PARP16: variants seen among roughly 807,000 people sequenced by gnomAD.
PARP16 encodes protein mono-ADP-ribosyltransferase PARP16.
In PARP16, 31 loss-of-function variants were observed where a neutral mutation model predicts 35.0. That is an observed-to-expected ratio of 0.88 (90% CI 0.66 to 1.19). PARP16 has a LOEUF of 1.19. Ranked by LOEUF, PARP16 falls within the 50% of genes most tolerant of loss-of-function variation. PARP16 has a pLI of 0.00. For synonymous variants in PARP16, 162 were observed against 169.5 expected (o/e 0.96, Z 0.34); for missense variants, 424 against 411.2 (o/e 1.03, Z -0.27).
chr15:65,267,253 A>C (rs779047053), intron 2 of PARP16, among the ~76,000 whole-genome samples: 1 of 151,630 alleles, frequency 6.6e-6, no homozygotes, highest in Non-Finnish European at 1.5e-5. Context: ...AAAAATAATA[A>C]TAATAAATAA....
chr15:65,270,911 T>C, intron 2 of PARP16, 24 bp downstream of exon 2: 1 of 1,612,932 alleles, frequency 6.2e-7, no homozygotes, highest in Non-Finnish European at 8.5e-7. Context: ...CTAAAATCTG[T>C]GATGCTACGG....
intron 3 of PARP16, 145 bp downstream of exon 3, chr15:65,266,417 G>A (rs1441806307): frequency 1.1e-5 from 7 of 665,458 alleles, no homozygotes; most frequent in Non-Finnish European, 1.6e-5. Flanking sequence ...CACTGCTGGT[G>A]TGCAGACCAC....
intron 2 of PARP16, among the ~76,000 whole-genome samples, chr15:65,252,197 A>G (rs1036082177): frequency 7.9e-5 from 12 of 152,162 alleles, no homozygotes; most frequent in Admixed American, 7.9e-4. Context: ...AAGACCAATG[A>G]GAGTGGGAAA....
chr15:65,239,299 C>T (rs1180190133), intron 3 of PARP16, among the ~76,000 whole-genome samples: 8 of 146,712 alleles, frequency 5.5e-5, no homozygotes, highest in East Asian at 2.0e-4. Flanking sequence ...TGGTGGTGTG[C>T]GCCTGTAGTC....
chr15:65,246,510 T>C (rs938297809), intron 3 of PARP16, among the ~76,000 whole-genome samples: 63 of 152,206 alleles, frequency 4.1e-4, no homozygotes, highest in Admixed American at 3.0e-3. Flanking sequence ...GATGTGCCCA[T>C]ACTGGGGCTG....
chr15:65,234,164 GGCCCAAGAATAAGAATGTT>G (rs2088821631), downstream of PARP16, among the ~76,000 whole-genome samples: 1 of 152,082 alleles, frequency 6.6e-6, no homozygotes, highest in African/African-American at 2.4e-5. Flanking sequence ...ACTATCCATG[GGCCCAAGAATAAGAATGTT>G]GCCCAGGTTG....
At chr15:65,254,094 T>C (rs578260759), downstream of PARP16, among the ~76,000 whole-genome samples, 183 of 151,962 alleles carry the variant, frequency 1.2e-3, 1 homozygote, top group African/African-American at 4.2e-3. Context: ...GCTGAGATTA[T>C]AGCCGTGAAC....
rs538827283 is a variant in PARP16, at chr15:65,251,038, C to T, written c.203-2810G>A. ...AGCTGGGATTACAGGCGTGCACCAC[C>T]ATGCCCAGTTAATTTTTGTATTTTT... is the stretch of plus-strand genomic sequence containing the variant. On this transcript the variant is annotated intron_variant and NMD_transcript_variant, in intron 2 of 3. Coordinates refer to the PARP16 transcript ENST00000559805. Among the ~76,000 whole-genome samples the T allele has an allele frequency of 2.5e-3, 373 of 152,236 alleles. 4 individuals carry two copies. The highest frequency in any genetic ancestry group is 8.5e-3 in the African/African-American group (353 of 41,538).
chr15:65,231,209 G>C (rs1469403839), downstream of PARP16, among the ~76,000 whole-genome samples: 1 of 152,066 alleles, frequency 6.6e-6, no homozygotes, highest in Admixed American at 6.6e-5. Flanking sequence ...CTTGTGAACA[G>C]CTTATAACTG....
chr15:65,272,920 C>T (rs2090136024), intron 1 of PARP16, among the ~76,000 whole-genome samples: 1 of 152,186 alleles, frequency 6.6e-6, no homozygotes, highest in South Asian at 2.1e-4. Context: ...CCAGACAACA[C>T]TGTCCTCCCA....
Position 65,286,372 on chromosome 15 carries a change from C to A in PARP16, c.55G>T (p.Ala19Ser). ...AAGAGGCTGCACCGGAGGTCGGCGG[C>A]CAGCATGTCGCGGCCCGCCGCCTCC... Reference protein sequence around the residue: ...AREAAGRDMLAADLRCSLFAS... With the variant: ...AREAAGRDMLSADLRCSLFAS... The change falls in exon 1 of 6, where the codon GCC becomes TCC. Residue 19 changes from alanine to serine, a missense_variant. Transcript: ENST00000649807. 1 of 1,572,828 alleles carries A rather than the reference C, an allele frequency of 6.4e-7. No individual in the cohort carries two copies. Among genetic ancestry groups the A allele is most frequent in the Non-Finnish European group, 8.6e-7 (1 of 1,162,638 alleles).
intron 2 of PARP16, chr15:65,248,376 T>A (rs1052489787): frequency 9.2e-6 from 4 of 436,518 alleles, no homozygotes; most frequent in Non-Finnish European, 1.8e-5. Flanking sequence ...TACACCAAAA[T>A]AACCTCATGA....
intron 3 of PARP16, among the ~76,000 whole-genome samples, chr15:65,241,559 G>C (rs960580674): frequency 2.0e-5 from 3 of 152,184 alleles, no homozygotes. Context: ...TAGTGGGTGT[G>C]CAGTGGTATT....
At chr15:65,237,864 C>G (rs992794942) in intron 3 of PARP16, among the ~76,000 whole-genome samples, 3 of 152,236 alleles carry the variant, frequency 2.0e-5, no homozygotes, top group Admixed American at 6.5e-5. Flanking sequence ...TCCTGATGAG[C>G]TGTACAGGCT....
downstream of PARP16, among the ~76,000 whole-genome samples, chr15:65,231,255 C>G (rs2088775741): frequency 6.6e-6 from 1 of 152,098 alleles, no homozygotes; most frequent in Non-Finnish European, 1.5e-5. Context: ...CAATCTTTGT[C>G]TTTTAACTGA....
chr15:65,244,421 A>G (rs1002066783), intron 3 of PARP16, among the ~76,000 whole-genome samples: 2 of 152,210 alleles, frequency 1.3e-5, no homozygotes, highest in Non-Finnish European at 2.9e-5. Flanking sequence ...ATGAAGGAAG[A>G]GCAAAGTCAC....
chr15:65,253,553 A>G (rs895174622), downstream of PARP16, among the ~76,000 whole-genome samples: 34 of 151,432 alleles, frequency 2.2e-4, no homozygotes, highest in Non-Finnish European at 2.1e-4. Context: ...GATGGTCTCG[A>G]TCTCCTGACC....
At chr15:65,280,668 G>A (rs2090395201) in intron 1 of PARP16, among the ~76,000 whole-genome samples, 1 of 152,188 alleles carries the variant, frequency 6.6e-6, no homozygotes, top group Admixed American at 6.5e-5. Flanking sequence ...CTTAAAGGAT[G>A]AGAGGGAGTT....
downstream of PARP16, among the ~76,000 whole-genome samples, chr15:65,232,204 A>C (rs2140700204): frequency 6.6e-6 from 1 of 152,238 alleles, no homozygotes; most frequent in South Asian, 2.1e-4. Flanking sequence ...TTTTCTTTTC[A>C]GTCTGTTGGG....
Sources: allele counts gnomAD v4.1 joint callset (sites outside exome capture counted in the v4.1 genomes callset), GRCh38; gene constraint gnomAD v4.1.1; transcripts MANE v1.5; gene names NCBI Gene and HGNC (gene_info 2026-07-23, HGNC 2026-07-21).